The following PLXNA4 variants were observed in gnomAD, a reference collection of about 807,000 sequenced individuals.
The protein encoded by PLXNA4 is plexin A4, also known as plexin-A4.
PLXNA4 carries 44 observed loss-of-function variants against 191.8 expected under a neutral mutation model. The ratio of observed to expected loss-of-function variants is 0.23; its 90% CI spans 0.18 to 0.29. PLXNA4 has a LOEUF of 0.29. PLXNA4 is among the 10% of genes least tolerant of loss of function. The pLI, the probability that PLXNA4 is intolerant of heterozygous loss-of-function variation, is 1.00. For missense variants in PLXNA4, 1,800 were observed against 2,488.8 expected, an observed-to-expected ratio of 0.72 and a Z score of 5.89; for synonymous variants, 1,082 against 1,009.5, an observed-to-expected ratio of 1.07 and a Z score of -1.36.
At chr7:132,311,202 G>GTGTGTGCGCGC (rs1554411105) in intron 3 of PLXNA4, among the ~76,000 whole-genome samples, 1 of 151,068 alleles carries the variant, frequency 6.6e-6, no homozygotes, top group Non-Finnish European at 1.5e-5. Flanking sequence ...GTGCGCGTGT[G>GTGTGTGCGCGC]GCCTAAAGGA....
intron 2 of PLXNA4, among the ~76,000 whole-genome samples, chr7:132,636,194 C>T (rs1803602727): frequency 6.6e-6 from 1 of 152,250 alleles, no homozygotes; most frequent in Non-Finnish European, 1.5e-5. Context: ...GCAAGAACTC[C>T]AAGCAAACCG....
At chr7:132,525,854 T>C (rs1053742547) in intron 1 of PLXNA4, among the ~76,000 whole-genome samples, 5 of 152,218 alleles carry the variant, frequency 3.3e-5, no homozygotes, top group Admixed American at 6.5e-5. Context: ...ATGATGCATG[T>C]CAGCTCACTA....
rs373412154 is a variant in PLXNA4 at position 132,489,492 on chromosome 7, A to G, written c.1189-18T>C. 1.5e-5 allele frequency: 23 copies of G among 1,528,142 alleles called. No homozygotes were observed. The highest frequency in any genetic ancestry group is 1.8e-5 in the Non-Finnish European group (20 of 1,119,914). The allele number at this position is 1,528,142 out of a possible 1,614,324, so 94.7% of individuals were successfully genotyped here. A position where few individuals can be genotyped will look rare whatever the true frequency, so the allele number is the denominator to read the frequency against. ...GTTAAGAGCTGCAAATTTTAAAAAG[A>G]GAAAAATTAGAAGGGAGCGTCAAGG... is the stretch of plus-strand genomic sequence containing the variant. On this transcript the variant is annotated intron_variant, in intron 2 of 31. Coordinates refer to ENST00000321063, the MANE Select transcript of PLXNA4 (RefSeq NM_020911.2).
At chr7:132,134,871 T>C (rs1795068683) in intron 30 of PLXNA4, among the ~76,000 whole-genome samples, 1 of 152,204 alleles carries the variant, frequency 6.6e-6, no homozygotes, top group Non-Finnish European at 1.5e-5. Flanking sequence ...TTGCTTTCTT[T>C]GCTCCATCCC....
intron 2 of PLXNA4, among the ~76,000 whole-genome samples, chr7:132,637,369 G>C (rs1337640424): frequency 6.6e-6 from 1 of 152,218 alleles, no homozygotes; most frequent in Non-Finnish European, 1.5e-5. Flanking sequence ...CAGAGGACTT[G>C]ACAAAGAGAC....
intron 3 of PLXNA4, among the ~76,000 whole-genome samples, chr7:132,391,098 CAG>C (rs963598766): frequency 3.3e-4 from 50 of 152,232 alleles, no homozygotes; most frequent in Middle Eastern, 3.4e-3. Context: ...CCCTCAATGC[CAG>C]TTAGCATTAG....
intron 2 of PLXNA4, among the ~76,000 whole-genome samples, chr7:132,588,634 AGGAAGGGAAG>A (rs1188847081): frequency 0.077 from 4,630 of 59,946 alleles, 505 homozygotes; most frequent in African/African-American, 0.24. Context: ...TGAGGAAGGA[AGGAAGGGAAG>A]GGAAGGGAAG....
At chr7:132,367,053 G>A (rs1193670743) in intron 3 of PLXNA4, among the ~76,000 whole-genome samples, 1 of 152,232 alleles carries the variant, frequency 6.6e-6, no homozygotes, top group Non-Finnish European at 1.5e-5. Context: ...TTACAGGCAT[G>A]AGCCACTGTA....
chr7:132,316,188 C>A (rs1033455202), intron 3 of PLXNA4, among the ~76,000 whole-genome samples: 1 of 152,174 alleles, frequency 6.6e-6, no homozygotes, highest in African/African-American at 2.4e-5. Flanking sequence ...CTAAAAAATG[C>A]GACTCTATCA....
chr7:132,235,372 T>TA (rs557737450), intron 5 of PLXNA4, among the ~76,000 whole-genome samples: 67 of 152,224 alleles, frequency 4.4e-4, no homozygotes, highest in Non-Finnish European at 8.4e-4. Flanking sequence ...GGTCCTCAGT[T>TA]GTAACTAAGT....
intron 3 of PLXNA4, among the ~76,000 whole-genome samples, chr7:132,465,530 G>A (rs1302485352): frequency 1.3e-5 from 2 of 152,142 alleles, no homozygotes; most frequent in African/African-American, 4.8e-5. Context: ...TCCAAATAAC[G>A]ACCATGTTTT....
chr7:132,314,637 T>C (rs1584980735), intron 3 of PLXNA4, among the ~76,000 whole-genome samples: 1 of 152,220 alleles, frequency 6.6e-6, no homozygotes, highest in Admixed American at 6.5e-5. Context: ...GTTGTTACTC[T>C]GGGGTTCCAA....
At chr7:132,333,480 G>A (rs987458090) in intron 3 of PLXNA4, among the ~76,000 whole-genome samples, 1 of 152,172 alleles carries the variant, frequency 6.6e-6, no homozygotes. Flanking sequence ...TGCCAGGGGA[G>A]GTGTGATGGG....
At chr7:132,171,386 C>T (rs900346272) in intron 21 of PLXNA4, among the ~76,000 whole-genome samples, 2 of 152,294 alleles carry the variant, frequency 1.3e-5, no homozygotes, top group East Asian at 1.9e-4. Flanking sequence ...CCCAAGTGCC[C>T]GTTCGTCCTC....
At chr7:132,151,371 AAGG>A (rs1420876573) in intron 25 of PLXNA4, among the ~76,000 whole-genome samples, 33 of 91,664 alleles carry the variant, frequency 3.6e-4, no homozygotes, top group Admixed American at 1.1e-3. Flanking sequence ...GAGGAGGAGA[AAGG>A]AGGAGGAGGA....
chr7:132,210,906 G>C, intron 10 of PLXNA4, 37 bp downstream of exon 10: 1 of 1,595,218 alleles, frequency 6.3e-7, no homozygotes, highest in Non-Finnish European at 8.6e-7. Flanking sequence ...GTGGGACTGG[G>C]GCCTGGTTTG....
At chr7:132,374,869 T>C (rs1475542763) in intron 3 of PLXNA4, among the ~76,000 whole-genome samples, 1 of 152,188 alleles carries the variant, frequency 6.6e-6, no homozygotes. Context: ...AGGGAAAATG[T>C]ATGTGAGGGG....
At chr7:132,637,299 A>G (rs1803628502) in intron 2 of PLXNA4, among the ~76,000 whole-genome samples, 1 of 152,178 alleles carries the variant, frequency 6.6e-6, no homozygotes, top group Admixed American at 6.5e-5. Context: ...GCCCTGTCCA[A>G]GCACCCCTTC....
At chr7:132,534,313 C>T (rs566813686) in intron 1 of PLXNA4, among the ~76,000 whole-genome samples, 146 of 152,172 alleles carry the variant, frequency 9.6e-4, no homozygotes, top group Non-Finnish European at 1.9e-3. Flanking sequence ...GCCCCAGGGC[C>T]ACCGCCCCTA....
Sources: allele counts gnomAD v4.1 joint callset (sites outside exome capture counted in the v4.1 genomes callset), GRCh38; gene constraint gnomAD v4.1.1; transcripts MANE v1.5; gene names NCBI Gene and HGNC (gene_info 2026-07-23, HGNC 2026-07-21).